Variants in CFAP47 observed in about 807,000 individuals in gnomAD.
CFAP47 encodes the protein cilia- and flagella-associated protein 47.
A neutral mutation model predicts 148.1 loss-of-function variants in CFAP47; 29 were observed. That is an observed-to-expected ratio of 0.20 (90% CI 0.15 to 0.27). CFAP47 has a LOEUF of 0.27. Ranked by LOEUF, CFAP47 falls within the 10% of genes least tolerant of loss-of-function variation. CFAP47 has a pLI of 1.00. For synonymous variants in CFAP47, 664 were observed against 577.3 expected (o/e 1.15, Z -2.15); for missense variants, 1,872 against 1,697.5 (o/e 1.10, Z -1.81).
At chrX:36,260,249 T>C (rs1569302089) in intron 49 of CFAP47, among the ~76,000 whole-genome samples, 1 of 111,264 alleles carries the variant, frequency 9.0e-6, no homozygotes, top group Non-Finnish European at 1.9e-5. Context: ...ATATGCCAAA[T>C]AGTGGGATTG....
intron 2 of CFAP47, among the ~76,000 whole-genome samples, chrX:35,927,154 C>CAAAAAAAAA: frequency 1.1e-5 from 1 of 88,687 alleles, no homozygotes; most frequent in Non-Finnish European, 2.3e-5. Context: ...GACCCTATCT[C>CAAAAAAAAA]AAAAAAAAAA....
chrX:36,197,400 A>T (rs1464435540), intron 42 of CFAP47, among the ~76,000 whole-genome samples: 1 of 112,531 alleles, frequency 8.9e-6, no homozygotes, highest in Non-Finnish European at 1.9e-5. Flanking sequence ...ACAGGTAGTT[A>T]TAATAACTCT....
At chrX:36,166,942 C>T (rs778457627) in intron 39 of CFAP47, among the ~76,000 whole-genome samples, 2 of 111,760 alleles carry the variant, frequency 1.8e-5, no homozygotes, top group African/African-American at 6.5e-5. Flanking sequence ...GTTTTCCTGA[C>T]CACACCCTTC....
At chrX:36,000,522 GTTC>G (rs1448779980) in intron 20 of CFAP47, 95 bp downstream of exon 20, 1 of 269,001 alleles carries the variant, frequency 3.7e-6, no homozygotes, top group African/African-American at 2.8e-5. Flanking sequence ...ATCAAGGGAA[GTTC>G]TTCTTAAATG....
At chrX:36,175,102 A>T (rs1939651746) in intron 39 of CFAP47, among the ~76,000 whole-genome samples, 1 of 111,399 alleles carries the variant, frequency 9.0e-6, no homozygotes, top group Non-Finnish European at 1.9e-5. Flanking sequence ...TCGGCTCCTG[A>T]GGCTTCTGCA....
At chrX:35,945,206 TA>T (rs1028053622) in intron 3 of CFAP47, among the ~76,000 whole-genome samples, 4 of 111,962 alleles carry the variant, frequency 3.6e-5, no homozygotes, top group African/African-American at 1.3e-4. Context: ...TGATGATTAA[TA>T]AAATGCTTAG....
chrX:35,941,330 G>T lies in CFAP47; in HGVS notation c.449G>T (p.Gly150Val). 1 of 1,178,869 alleles carries T rather than the reference G, an allele frequency of 8.5e-7. No homozygotes were observed. Among genetic ancestry groups the T allele is most frequent in the Admixed American group, 2.5e-5 (1 of 40,753 alleles). The change falls in exon 3 of 64, where the codon GGC (glycine) becomes GTC (valine). Residue 150 changes from glycine to valine, a missense_variant. Gly to Val is a moderately radical substitution (Grantham distance 109). Coordinates refer to ENST00000378653, the MANE Select transcript of CFAP47 (RefSeq NM_001304548.2). ...GAAATTGAATCAGTAGTTAATTTTG[G>T]CACACTGGTTGCCAATAGTAAAGTA... ...QLEIESVVNF[G>V]TLVANSKVYS...
chrX:36,088,341 C>CTGAA (rs1938124628), intron 30 of CFAP47, among the ~76,000 whole-genome samples: 1 of 111,294 alleles, frequency 9.0e-6, no homozygotes, highest in Non-Finnish European at 1.9e-5. Flanking sequence ...CTGGTATGGA[C>CTGAA]TGAATTGTGC....
At position 35,924,247 on chromosome X, in the gene CFAP47, GCATATGGA is replaced by G. The variant is rs1448008082; in HGVS notation, c.250-1766_250-1759del. Among the ~76,000 whole-genome samples, 37 of 89,064 alleles carry G rather than the reference GCATATGGA, an allele frequency of 4.2e-4. 1 individual carries two copies. The South Asian group carries it at 4.8e-3, about 12-fold the overall frequency. The allele number at this position is 89,064 out of a possible 115,157, so 77.3% of individuals were successfully genotyped here. ...TGTGTATATATGGACATGTATGTGT[GCATATGGA>G]CATGTATGTGTACATGTATGTGTAT... On this transcript the variant is annotated intron_variant, in intron 1 of 63. Coordinates refer to ENST00000378653, the MANE Select transcript of CFAP47 (RefSeq NM_001304548.2).
intron 46 of CFAP47, among the ~76,000 whole-genome samples, chrX:36,235,572 G>A (rs1006052548): frequency 2.7e-5 from 3 of 112,426 alleles, no homozygotes; most frequent in Non-Finnish European, 5.6e-5. Context: ...TGTGCTTCCC[G>A]AGTGAGGCAA....
rs1224351098 is a variant in CFAP47, at chrX:36,190,088, C to G, written c.6213C>G (p.Ser2071=). ...KSTFIREFFC[S]MHTVHLGVKG... ...CTTTTATCAGAGAGTTCTTCTGCTC[C>G]ATGCATACTGTTCACCTGGGAGTGA... The change falls in exon 42 of 64, where the codon TCC becomes TCG. Residue 2071 remains serine, a synonymous_variant. Coordinates refer to ENST00000378653, the MANE Select transcript of CFAP47 (RefSeq NM_001304548.2). 7.4e-5 allele frequency: 22 copies of G among 296,699 alleles called. No homozygotes were observed. The highest frequency in any genetic ancestry group is 1.1e-4 in the Non-Finnish European group (19 of 170,067). The allele number at this position is 296,699 out of a possible 1,213,427, so 24.5% of individuals were successfully genotyped here.
intron 15 of CFAP47, among the ~76,000 whole-genome samples, chrX:35,980,872 C>T (rs965179827): frequency 5.4e-5 from 6 of 110,430 alleles, no homozygotes; most frequent in Admixed American, 3.9e-4. Flanking sequence ...GTATTTTTTA[C>T]GTGTATTATC....
At chrX:36,071,582 A>G (rs1341907135) in intron 27 of CFAP47, among the ~76,000 whole-genome samples, 2 of 112,040 alleles carry the variant, frequency 1.8e-5, no homozygotes, top group Non-Finnish European at 3.8e-5. Flanking sequence ...TACCATAACA[A>G]TTGCCTTACC....
At chrX:35,933,646 GT>G (rs1260504361) in intron 2 of CFAP47, among the ~76,000 whole-genome samples, 1 of 111,994 alleles carries the variant, frequency 8.9e-6, no homozygotes, top group Non-Finnish European at 1.9e-5. Flanking sequence ...CCTCCAAACT[GT>G]TCTCCTTTGC....
chrX:35,997,385 A>G lies in CFAP47; in HGVS notation c.3173A>G (p.Asn1058Ser), dbSNP rs1936860998. ...GSAEIADVEI[N>S]PDVFNFSGAY... The stretch of plus-strand genomic sequence containing the variant: ...GCTGAAATTGCTGATGTAGAAATCA[A>G]TCCTGTGAGTATGTTACTTATTTGT... The change falls in exon 19 of 64, where the codon AAT (asparagine) becomes AGT (serine). Residue 1058 changes from asparagine to serine, a missense_variant. Coordinates refer to ENST00000378653, the MANE Select transcript of CFAP47 (RefSeq NM_001304548.2). 1 of 295,156 alleles carries G rather than the reference A, an allele frequency of 3.4e-6. No homozygotes were observed. The allele number at this position is 295,156 out of a possible 1,213,427, so 24.3% of individuals were successfully genotyped here.
At chrX:36,121,891 A>AT (rs1215288449) in intron 33 of CFAP47, among the ~76,000 whole-genome samples, 1 of 110,833 alleles carries the variant, frequency 9.0e-6, no homozygotes, top group African/African-American at 3.3e-5. Context: ...CCATCAGATG[A>AT]TTTTTTTATT....
At chrX:35,984,637 G>A (rs1205306091) in intron 15 of CFAP47, among the ~76,000 whole-genome samples, 3 of 111,478 alleles carry the variant, frequency 2.7e-5, no homozygotes. Flanking sequence ...GTCCTAGAGA[G>A]TCTGCTATGT....
chrX:35,939,939 C>T lies in CFAP47; in HGVS notation c.402-1344C>T, dbSNP rs1044256117. 3.9e-3 allele frequency among the ~76,000 whole-genome samples: 397 copies of T among 102,317 alleles called. 2 individuals are homozygous for T. The highest frequency in any genetic ancestry group is 0.013 in the African/African-American group (373 of 28,022). The allele number at this position is 102,317 out of a possible 115,157, so 88.9% of individuals were successfully genotyped here. A position where few individuals can be genotyped will look rare whatever the true frequency, so the allele number is the denominator to read the frequency against. Reference sequence around the variant, plus strand: ...GTGTAAAAGTGTTCCTATTTCTCCACGTCCTCTCCAGCACCTGTTGTTTCC... The same window carrying T: ...GTGTAAAAGTGTTCCTATTTCTCCATGTCCTCTCCAGCACCTGTTGTTTCC... On this transcript the variant is annotated intron_variant, in intron 2 of 63. Coordinates refer to ENST00000378653, the MANE Select transcript of CFAP47 (RefSeq NM_001304548.2).
chrX:36,031,272 C>T lies in CFAP47; in HGVS notation c.3576C>T (p.Asn1192=), dbSNP rs1034266213. Residue 1192 remains asparagine (N), a synonymous_variant, in exon 23 of 64, where the codon AAC becomes AAT. Transcript: ENST00000378653. ...VQATALQSPL[N]LSSTKFVFEI... is the part of the protein sequence containing the mutation. ...TCACAGCATTGCAATCACCATTGAA[C>T]TTATCTAGTACTAAGTTTGTATTTG... is the stretch of plus-strand genomic sequence containing the variant. 6.9e-6 allele frequency: 2 copies of T among 290,013 alleles called. No individual in the cohort carries two copies. Among genetic ancestry groups the T allele is most frequent in the African/African-American group, 2.8e-5 (1 of 35,996 alleles). The allele number at this position is 290,013 out of a possible 1,213,427, so 23.9% of individuals were successfully genotyped here.
Sources: allele counts gnomAD v4.1 joint callset (sites outside exome capture counted in the v4.1 genomes callset), GRCh38; gene constraint gnomAD v4.1.1; transcripts MANE v1.5; gene names NCBI Gene and HGNC (gene_info 2026-07-23, HGNC 2026-07-21).